CR1L: variants seen among roughly 807,000 people sequenced by gnomAD.
The protein encoded by CR1L is complement component receptor 1-like protein.
CR1L carries 59 observed loss-of-function variants against 62.3 expected under a neutral mutation model. The ratio of observed to expected loss-of-function variants is 0.95; its 90% CI spans 0.77 to 1.18. CR1L has a LOEUF of 1.18. Among genes scored for constraint, CR1L ranks in the 50% most tolerant of loss-of-function variants. The pLI, the probability that CR1L is intolerant of heterozygous loss-of-function variation, is 0.00. For synonymous variants in CR1L, 279 were observed against 248.7 expected, an observed-to-expected ratio of 1.12 and a Z score of -1.15; for missense variants, 700 against 702.8, an observed-to-expected ratio of 1.00 and a Z score of 0.04.
rs146505306 is a variant in CR1L, at chr1:207,663,706, G to A, written c.98-13683G>A. Among the ~76,000 whole-genome samples, 600 of 152,272 alleles carry A rather than the reference G, an allele frequency of 3.9e-3. 2 individuals carry two copies. Among genetic ancestry groups the A allele is most frequent in the African/African-American group, 0.013 (558 of 41,550 alleles). ...TCAGTTGGAAATGCAGAAATCACCC[G>A]TCTTCTGTGTCGCTCACACTGGGAG... On this transcript the variant is annotated intron_variant, in intron 1 of 11. Transcript: ENST00000508064.
intron 5 of CR1L, among the ~76,000 whole-genome samples, chr1:207,696,135 G>C (rs374296049): frequency 6.6e-4 from 100 of 152,328 alleles, no homozygotes; most frequent in African/African-American, 2.3e-3. Context: ...CAGGAGCCTG[G>C]AGGGATGCTC....
At chr1:207,694,298 C>T (rs2102468283) in intron 4 of CR1L, 55 bp from the exon 5 acceptor site, 2 of 1,595,256 alleles carry the variant, frequency 1.3e-6, no homozygotes, top group East Asian at 4.5e-5. Flanking sequence ...AGTTTAGTGA[C>T]TCGTGAGATT....
intron 1 of CR1L, among the ~76,000 whole-genome samples, chr1:207,674,053 A>C (rs1183220769): frequency 6.6e-6 from 1 of 152,256 alleles, no homozygotes; most frequent in East Asian, 1.9e-4. Flanking sequence ...GTGAAGGCTA[A>C]AACATTTAAA....
intron 3 of CR1L, among the ~76,000 whole-genome samples, chr1:207,679,776 C>A (rs1396786381): frequency 6.6e-6 from 1 of 152,124 alleles, no homozygotes; most frequent in African/African-American, 2.4e-5. Context: ...AAGAAATGAG[C>A]TATCAAGCCA....
intron 4 of CR1L, among the ~76,000 whole-genome samples, chr1:207,684,951 C>A (rs1459480376): frequency 6.6e-6 from 1 of 152,116 alleles, no homozygotes; most frequent in Non-Finnish European, 1.5e-5. Flanking sequence ...TCTAAATTTA[C>A]AAATGACATT....
intron 4 of CR1L, among the ~76,000 whole-genome samples, chr1:207,685,359 T>A (rs1290950011): frequency 3.3e-5 from 5 of 152,212 alleles, no homozygotes; most frequent in Non-Finnish European, 7.4e-5. Context: ...AGTCTAGGAA[T>A]TGTTGATGAA....
chr1:207,680,880 A>G (rs774824498), intron 3 of CR1L, among the ~76,000 whole-genome samples: 34 of 152,198 alleles, frequency 2.2e-4, no homozygotes, highest in Non-Finnish European at 4.7e-4. Context: ...GCATGGTCCC[A>G]TATGGAAAAT....
At chr1:207,697,427 A>G in intron 5 of CR1L, 76 bp from the exon 6 acceptor site, 1 of 1,611,112 alleles carries the variant, frequency 6.2e-7, no homozygotes, top group South Asian at 1.1e-5. Context: ...TGTAATTATT[A>G]TTCCCTTGGC....
chr1:207,684,001 T>A (rs1663850028), intron 4 of CR1L, 44 bp downstream of exon 4: 1 of 1,560,074 alleles, frequency 6.4e-7, no homozygotes, highest in Non-Finnish European at 8.8e-7. Flanking sequence ...CGATACATTC[T>A]AATTTTTCTC....
chr1:207,708,404 G>C, intron 10 of CR1L, 141 bp downstream of exon 10: 2 of 1,130,800 alleles, frequency 1.8e-6, no homozygotes, highest in Non-Finnish European at 2.5e-6. Flanking sequence ...CCTTAAAATG[G>C]CTCACAGCAT....
At chr1:207,685,222 G>T (rs990973516) in intron 4 of CR1L, among the ~76,000 whole-genome samples, 4 of 152,158 alleles carry the variant, frequency 2.6e-5, no homozygotes, top group Non-Finnish European at 5.9e-5. Flanking sequence ...GTAAATGGCT[G>T]TAAGTCTTCT....
chr1:207,715,291 A>G lies in CR1L; in HGVS notation c.1415-2173A>G, dbSNP rs781384551. The G allele has an allele frequency of 5.0e-5, 74 of 1,486,326 alleles. No individual in the cohort carries two copies. In the South Asian group the frequency reaches 8.0e-4, roughly 16 times the overall value. The allele number at this position is 1,486,326 out of a possible 1,614,324, so 92.1% of individuals were successfully genotyped here. ...GATGGGAATTGCTCACACATTTGCT[A>G]CCACTTTTTTTTTTCTTTAGGTTCT... is the stretch of plus-strand genomic sequence containing the variant. On this transcript the variant is annotated intron_variant, in intron 10 of 11. Coordinates refer to ENST00000508064, the MANE Select transcript of CR1L (RefSeq NM_175710.2).
intron 1 of CR1L, among the ~76,000 whole-genome samples, chr1:207,667,766 T>C (rs995159273): frequency 1.4e-5 from 2 of 144,106 alleles, no homozygotes; most frequent in Non-Finnish European, 2.9e-5. Flanking sequence ...TTGCAACCTA[T>C]GCCTTTGACA....
chr1:207,679,629 C>A lies in CR1L; in HGVS notation c.377+1332C>A, dbSNP rs927482882. The stretch of plus-strand genomic sequence containing the variant: ...GGAATTGAAATCTCAGGTTCACACA[C>A]AAAAAAATCTGCACACAGATGTTTA... On this transcript the variant is annotated intron_variant, in intron 3 of 11. Coordinates refer to ENST00000508064, the MANE Select transcript of CR1L (RefSeq NM_175710.2). 4.1e-4 allele frequency among the ~76,000 whole-genome samples: 62 copies of A among 152,052 alleles called. 2 individuals are homozygous for A. The highest frequency in any genetic ancestry group is 1.9e-4 in the Non-Finnish European group (13 of 68,024).
At chr1:207,707,190 G>A (rs1479844322) in intron 9 of CR1L, among the ~76,000 whole-genome samples, 3 of 152,166 alleles carry the variant, frequency 2.0e-5, no homozygotes, top group African/African-American at 7.2e-5. Flanking sequence ...AGTAAGGGGA[G>A]GGAAGGAAAA....
In CR1L at chr1:207,697,868, T is replaced by G; in HGVS notation, c.1137T>G (p.Asp379Glu). The G allele has an allele frequency of 6.2e-7, 1 of 1,613,906 alleles. No individual in the cohort carries two copies. The highest frequency in any genetic ancestry group is 8.5e-7 in the Non-Finnish European group (1 of 1,179,872). ...GAGCAAAAGTGGATTTTGTTTGTGA[T>G]GAAGGGTGAGTATGAGCTTGCCTGA... is the stretch of plus-strand genomic sequence containing the variant. ...QLGAKVDFVCDEGFQLKGSSA... is the reference protein window; with the variant it reads ...QLGAKVDFVCEEGFQLKGSSA... The change falls in exon 7 of 12, where the codon GAT (aspartate) becomes GAG (glutamate). Residue 379 changes from aspartate (D) to glutamate (E), a missense_variant. Physicochemically the swap from Asp to Glu is conservative, Grantham distance 45 (BLOSUM62 2). Transcript: ENST00000508064.
At chr1:207,679,621 T>C (rs1267978079) in intron 3 of CR1L, among the ~76,000 whole-genome samples, 1 of 152,144 alleles carries the variant, frequency 6.6e-6, no homozygotes, top group Non-Finnish European at 1.5e-5. Context: ...AAATCTCAGG[T>C]TCACACACAA....
chr1:207,652,646 A>C, intron 1 of CR1L: 1 of 1,181,068 alleles, frequency 8.5e-7, no homozygotes, highest in Non-Finnish European at 1.3e-6. Context: ...AAGTGTAAAA[A>C]AGGACACTTC....
chr1:207,719,309 A>T (rs1295610771), intron 11 of CR1L, among the ~76,000 whole-genome samples: 1 of 151,872 alleles, frequency 6.6e-6, no homozygotes. Flanking sequence ...AACACAGTAG[A>T]TAGATGAGAA....
Sources: allele counts gnomAD v4.1 joint callset (sites outside exome capture counted in the v4.1 genomes callset), GRCh38; gene constraint gnomAD v4.1.1; transcripts MANE v1.5; gene names NCBI Gene and HGNC (gene_info 2026-07-23, HGNC 2026-07-21).